HRH1: variants seen among roughly 807,000 people sequenced by gnomAD.
The protein encoded by HRH1 is histamine receptor H1, also known as histamine H1 receptor.
HRH1 carries 6 observed loss-of-function variants against 10.3 expected under a neutral mutation model. The ratio of observed to expected loss-of-function variants is 0.58; its 90% CI spans 0.32 to 1.15. HRH1 has a LOEUF of 1.15. Among genes scored for constraint, HRH1 ranks in the 50% most tolerant of loss-of-function variants. The pLI, the probability that HRH1 is intolerant of heterozygous loss-of-function variation, is 0.05. For synonymous variants in HRH1, 242 were observed against 236.7 expected (o/e 1.02, Z -0.21); for missense variants, 514 against 615.3 (o/e 0.84, Z 1.74).
At chr3:11,192,933 G>C (rs559610285) in intron 1 of HRH1, among the ~76,000 whole-genome samples, 1 of 152,230 alleles carries the variant, frequency 6.6e-6, no homozygotes, top group South Asian at 2.1e-4. Flanking sequence ...TCTTATTAAC[G>C]TCATTCCCTC....
At chr3:11,159,787 T>C (rs985502807) in intron 1 of HRH1, among the ~76,000 whole-genome samples, 1 of 152,210 alleles carries the variant, frequency 6.6e-6, no homozygotes, top group African/African-American at 2.4e-5. Flanking sequence ...TCCTTGAGTG[T>C]TCAATGCAAC....
chr3:11,234,650 G>T lies in HRH1; in HGVS notation c.-35-24353G>T. On this transcript the variant is annotated intron_variant, in intron 1 of 1. Coordinates refer to ENST00000431010, the MANE Select transcript of HRH1 (RefSeq NM_001098212.2). ...TCTTCTTTGGTTATAAATATGATTCGATCCTTCCCTTCCTGCCGGCAGTAG... is the reference window on the plus strand; with the variant it reads ...TCTTCTTTGGTTATAAATATGATTCTATCCTTCCCTTCCTGCCGGCAGTAG... 4 of 1,340,340 alleles carry T rather than the reference G, an allele frequency of 3.0e-6. No individual in the cohort carries two copies. In the South Asian group the frequency reaches 3.5e-5, roughly 12 times the overall value. The allele number at this position is 1,340,340 out of a possible 1,614,324, so 83.0% of individuals were successfully genotyped here.
intron 1 of HRH1, among the ~76,000 whole-genome samples, chr3:11,167,736 C>T (rs1367533069): frequency 6.6e-6 from 1 of 152,198 alleles, no homozygotes; most frequent in African/African-American, 2.4e-5. Flanking sequence ...TGTAGGCTGC[C>T]CTGTAAATAG....
rs1559283215 is a variant in HRH1 at position 11,242,509 on chromosome 3, A to AAAAAAAAAAAAAT, written c.-35-16494_-35-16493insAAAAAAAAAAAAT. Among the ~76,000 whole-genome samples the AAAAAAAAAAAAAT allele has an allele frequency of 1.2e-3, 146 of 120,800 alleles. 6 individuals are homozygous for AAAAAAAAAAAAAT. The highest frequency in any genetic ancestry group is 4.7e-3 in the African/African-American group (142 of 30,212). The allele number at this position is 120,800 out of a possible 152,430, so 79.2% of individuals were successfully genotyped here. A position where few individuals can be genotyped will look rare whatever the true frequency, so the allele number is the denominator to read the frequency against. ...AAAAAAAAAAAAAAAAAAAAAAAAA[A>AAAAAAAAAAAAAT]GCTGTAACACTCACTGCAAAGGTCT... On this transcript the variant is annotated intron_variant, in intron 1 of 1. Transcript: ENST00000431010.
At chr3:11,143,308 GGGTCTT>G (rs1157134124) in intron 1 of HRH1, among the ~76,000 whole-genome samples, 1 of 152,188 alleles carries the variant, frequency 6.6e-6, no homozygotes, top group East Asian at 1.9e-4. Context: ...CAGAAGGCAA[GGGTCTT>G]GGTTCTTTTT....
chr3:11,147,389 A>G (rs1936474455), intron 1 of HRH1, among the ~76,000 whole-genome samples: 1 of 152,222 alleles, frequency 6.6e-6, no homozygotes, highest in Non-Finnish European at 1.5e-5. Flanking sequence ...TGGCTGCTCT[A>G]TGAGATAGGA....
At chr3:11,235,684 G>A (rs1939162745) in intron 1 of HRH1, among the ~76,000 whole-genome samples, 2 of 152,224 alleles carry the variant, frequency 1.3e-5, no homozygotes, top group Admixed American at 1.3e-4. Flanking sequence ...ACCCCAGCAA[G>A]GGGAGTTGAG....
intron 1 of HRH1, among the ~76,000 whole-genome samples, chr3:11,183,855 CTTTTTTTTTTT>C (rs60566877): frequency 3.3e-5 from 3 of 91,960 alleles, no homozygotes; most frequent in African/African-American, 9.0e-5. Context: ...GGAAAGCTTG[CTTTTTTTTTTT>C]TTTTTTTTTT....
chr3:11,198,702 A>C (rs375453325), intron 1 of HRH1, among the ~76,000 whole-genome samples: 1 of 147,350 alleles, frequency 6.8e-6, no homozygotes, highest in Non-Finnish European at 1.5e-5. Context: ...GCATCACTGC[A>C]CTCCAGCCTG....
chr3:11,181,917 CA>C (rs1937362660), intron 1 of HRH1, among the ~76,000 whole-genome samples: 1 of 152,068 alleles, frequency 6.6e-6, no homozygotes, highest in African/African-American at 2.4e-5. Flanking sequence ...AGGCATGAGC[CA>C]CCACGCCTGG....
At chr3:11,234,781 G>T (rs902448624) in intron 1 of HRH1, among the ~76,000 whole-genome samples, 7 of 152,132 alleles carry the variant, frequency 4.6e-5, no homozygotes, top group African/African-American at 1.7e-4. Flanking sequence ...GCACCTCTGG[G>T]TTCTTATTTC....
At chr3:11,200,479 T>C (rs1310745678) in intron 1 of HRH1, among the ~76,000 whole-genome samples, 1 of 152,100 alleles carries the variant, frequency 6.6e-6, no homozygotes. Context: ...TGTGCACAGC[T>C]TGGATGCCAC....
rs1285169454 is a variant in HRH1, at chr3:11,260,311, T to A, written c.1274T>A (p.Ile425Asn). The A allele has an allele frequency of 6.2e-7, 1 of 1,614,066 alleles. No homozygotes were observed. Among genetic ancestry groups the A allele is most frequent in the African/African-American group, 1.3e-5 (1 of 74,944 alleles). ...TTGGGTTTTATCATGGCAGCCTTCA[T>A]CCTCTGCTGGATCCCTTATTTCATC... ...KQLGFIMAAF[I>N]LCWIPYFIFF... is the part of the protein sequence containing the mutation. Residue 425 changes from isoleucine to asparagine, a missense_variant, in exon 2 of 2, where the codon ATC becomes AAC. Physicochemically the swap from Ile to Asn is moderately radical, Grantham distance 149. Transcript: ENST00000431010.
chr3:11,216,386 G>A (rs931246720), intron 1 of HRH1, among the ~76,000 whole-genome samples: 1 of 152,162 alleles, frequency 6.6e-6, no homozygotes, highest in Non-Finnish European at 1.5e-5. Flanking sequence ...TCCATCAGAG[G>A]ATGAATGGAT....
upstream of HRH1, among the ~76,000 whole-genome samples, chr3:11,153,786 C>T (rs989491813): frequency 1.3e-5 from 2 of 152,084 alleles, no homozygotes; most frequent in Admixed American, 1.3e-4. Flanking sequence ...CCTTGCTGCT[C>T]GGGGTGGCAC....
chr3:11,250,876 C>T (rs1379601906), intron 1 of HRH1, among the ~76,000 whole-genome samples: 1 of 152,176 alleles, frequency 6.6e-6, no homozygotes, highest in Non-Finnish European at 1.5e-5. Context: ...CACTCTGAAA[C>T]GATCTGCAAC....
intron 1 of HRH1, among the ~76,000 whole-genome samples, chr3:11,258,154 C>T (rs1348125432): frequency 1.3e-5 from 2 of 150,662 alleles, no homozygotes; most frequent in African/African-American, 4.9e-5. Flanking sequence ...GCTTTATGTG[C>T]CTCTGGTGTG....
intron 1 of HRH1, among the ~76,000 whole-genome samples, chr3:11,165,817 C>T (rs1348683525): frequency 6.6e-6 from 1 of 152,198 alleles, no homozygotes; most frequent in African/African-American, 2.4e-5. Flanking sequence ...GAAAACACTG[C>T]AATTTGGAGC....
intron 1 of HRH1, among the ~76,000 whole-genome samples, chr3:11,165,245 C>A (rs1442412463): frequency 2.6e-5 from 4 of 152,204 alleles, no homozygotes; most frequent in African/African-American, 9.6e-5. Flanking sequence ...ACATTTGGGG[C>A]AATAGCCCAG....
Sources: gnomAD v4.1 joint callset for allele counts (sites outside exome capture counted in the v4.1 genomes callset) on GRCh38, gnomAD v4.1.1 for gene constraint, MANE v1.5 for transcripts, NCBI Gene and HGNC (gene_info 2026-07-23, HGNC 2026-07-21) for gene names.